The following GPHN variants were observed in gnomAD, a reference collection of about 807,000 sequenced individuals.
The protein encoded by GPHN is gephyrin.
In GPHN, 17 loss-of-function variants were observed where a neutral mutation model predicts 95.5. The ratio of observed to expected loss-of-function variants is 0.18; its 90% CI spans 0.12 to 0.27. The LOEUF (loss-of-function observed/expected upper bound fraction) is 0.27. Ranked by LOEUF, GPHN falls within the 10% of genes least tolerant of loss-of-function variation. The pLI is 1.00. For synonymous variants in GPHN, 320 were observed against 322.5 expected, an observed-to-expected ratio of 0.99 and a Z score of 0.08; for missense variants, 660 against 978.1, an observed-to-expected ratio of 0.67 and a Z score of 4.34.
intron 11 of GPHN, among the ~76,000 whole-genome samples, chr14:67,075,156 A>G (rs541659111): frequency 6.6e-6 from 1 of 152,200 alleles, no homozygotes; most frequent in African/African-American, 2.4e-5. Context: ...TGGTGACTTT[A>G]AGTTGAAGCC....
At position 66,508,314 on chromosome 14, in the gene GPHN, C is replaced by A. The variant is rs2057869929; in HGVS notation, c.-214C>A. Reference sequence around the variant, plus strand: ...GGACTTGGGGCCGCGCGCCCTGACTCCTTCCCCTCCCGCGGACCCGCGCAC... The same window carrying A: ...GGACTTGGGGCCGCGCGCCCTGACTACTTCCCCTCCCGCGGACCCGCGCAC... On this transcript the variant is annotated 5_prime_UTR_variant, in exon 1 of 23. Transcript: ENST00000478722. 1.7e-6 allele frequency: 1 copy of A among 604,440 alleles called. No individual in the cohort carries two copies. Among genetic ancestry groups the A allele is most frequent in the South Asian group, 1.9e-5 (1 of 52,162 alleles). The allele number at this position is 604,440 out of a possible 1,614,324, so 37.4% of individuals were successfully genotyped here.
chr14:67,204,456 A>AATATAT, the GPHN span: 1 of 1,361,280 alleles, frequency 7.3e-7, no homozygotes, highest in Non-Finnish European at 9.6e-7. Flanking sequence ...CAAACAAACA[A>AATATAT]ATATATATAT....
chr14:66,572,104 A>G (rs113286886), intron 1 of GPHN, among the ~76,000 whole-genome samples: 108 of 152,064 alleles, frequency 7.1e-4, no homozygotes, highest in African/African-American at 1.7e-3. Context: ...CTTCTATTCT[A>G]TTTGTCTATG....
chr14:67,309,086 TTTG>T, the GPHN span, among the ~76,000 whole-genome samples: 1 of 152,172 alleles, frequency 6.6e-6, no homozygotes, highest in African/African-American at 2.4e-5. Context: ...AACAGAAGAT[TTTG>T]TTTTGTTCAG....
chr14:67,462,624 G>A, the GPHN span, among the ~76,000 whole-genome samples: 2 of 152,212 alleles, frequency 1.3e-5, no homozygotes, highest in Non-Finnish European at 2.9e-5. Context: ...GATTGCAGGC[G>A]TGAGCCACCA....
At chr14:67,735,047 T>C in the GPHN span, 1 of 664,458 alleles carries the variant, frequency 1.5e-6, no homozygotes, top group Non-Finnish European at 2.7e-6. Flanking sequence ...GATTATTAGA[T>C]GCACTTACAA....
the GPHN span, among the ~76,000 whole-genome samples, chr14:67,303,312 C>T: frequency 2.0e-5 from 3 of 152,202 alleles, no homozygotes; most frequent in Admixed American, 2.0e-4. Flanking sequence ...TCTGTACTAT[C>T]TACTGATTCT....
intron 10 of GPHN, among the ~76,000 whole-genome samples, chr14:67,031,118 C>G (rs1214365543): frequency 1.3e-5 from 2 of 152,074 alleles, no homozygotes; most frequent in African/African-American, 4.8e-5. Flanking sequence ...TACTGCCACC[C>G]AGGTTCTCGA....
intron 10 of GPHN, among the ~76,000 whole-genome samples, chr14:67,045,928 T>G (rs1277615174): frequency 1.3e-5 from 2 of 152,120 alleles, no homozygotes; most frequent in African/African-American, 2.4e-5. Context: ...ACCCCAGATT[T>G]GATCTACATA....
intron 18 of GPHN, among the ~76,000 whole-genome samples, chr14:67,146,538 T>G (rs1290969992): frequency 6.6e-6 from 1 of 152,206 alleles, no homozygotes; most frequent in Non-Finnish European, 1.5e-5. Context: ...TGACCTTTTT[T>G]GCTCATTTCT....
intron 10 of GPHN, among the ~76,000 whole-genome samples, chr14:67,038,149 T>C (rs1188827028): frequency 6.6e-6 from 1 of 152,244 alleles, no homozygotes; most frequent in East Asian, 1.9e-4. Flanking sequence ...TCCTGTCATA[T>C]GCTACAACAT....
At chr14:67,654,946 A>G in the GPHN span, among the ~76,000 whole-genome samples, 1 of 146,786 alleles carries the variant, frequency 6.8e-6, no homozygotes, top group Non-Finnish European at 1.5e-5. Context: ...GGAGAATGGC[A>G]TGAACCTGGG....
chr14:67,733,804 C>G, the GPHN span: 1 of 1,613,526 alleles, frequency 6.2e-7, no homozygotes, highest in East Asian at 2.2e-5. Context: ...AGCTGAGCGC[C>G]TATGGAATGT....
At chr14:66,697,261 T>C (rs893397938) in intron 2 of GPHN, among the ~76,000 whole-genome samples, 8 of 152,228 alleles carry the variant, frequency 5.3e-5, no homozygotes, top group African/African-American at 1.9e-4. Flanking sequence ...TGAATTGTAT[T>C]AAACAAATGT....
the GPHN span, among the ~76,000 whole-genome samples, chr14:67,196,087 C>T: frequency 1.3e-5 from 2 of 152,154 alleles, no homozygotes; most frequent in African/African-American, 2.4e-5. Context: ...CAATATCTAG[C>T]TGTTGTTCCT....
At chr14:67,726,192 C>T in the GPHN span, 4 of 1,187,002 alleles carry the variant, frequency 3.4e-6, no homozygotes, top group South Asian at 2.4e-5. Context: ...TGAGGTACAC[C>T]CACTATCTTT....
At chr14:67,080,913 C>T (rs1436424282) in intron 11 of GPHN, among the ~76,000 whole-genome samples, 1 of 152,158 alleles carries the variant, frequency 6.6e-6, no homozygotes, top group Non-Finnish European at 1.5e-5. Flanking sequence ...CCAGTTCCAT[C>T]CAGTTTGCTG....
At chr14:67,661,908 G>C in the GPHN span, among the ~76,000 whole-genome samples, 2 of 152,092 alleles carry the variant, frequency 1.3e-5, no homozygotes, top group Non-Finnish European at 1.5e-5. Flanking sequence ...TGTAATCCCT[G>C]TACTTTGGGA....
At chr14:67,024,492 T>C (rs2073824030) in intron 10 of GPHN, among the ~76,000 whole-genome samples, 1 of 152,240 alleles carries the variant, frequency 6.6e-6, no homozygotes, top group African/African-American at 2.4e-5. Flanking sequence ...CTGGGAGTTT[T>C]AGCAAATTGA....
Sources: allele counts gnomAD v4.1 joint callset (sites outside exome capture counted in the v4.1 genomes callset), GRCh38; gene constraint gnomAD v4.1.1; transcripts MANE v1.5; gene names NCBI Gene and HGNC (gene_info 2026-07-23, HGNC 2026-07-21).